Variants in FAM118B observed in about 807,000 individuals in gnomAD.
The protein encoded by FAM118B is protein FAM118B.
A neutral mutation model predicts 38.5 loss-of-function variants in FAM118B; 24 were observed. The ratio of observed to expected loss-of-function variants is 0.62; its 90% CI spans 0.45 to 0.88. The LOEUF is 0.88. FAM118B is among the 40% of genes least tolerant of loss of function. The pLI is 0.00. For missense variants in FAM118B, 334 were observed against 420.0 expected (o/e 0.80, Z 1.79); for synonymous variants, 138 against 156.3 (o/e 0.88, Z 0.87).
rs188863454 is a variant in FAM118B, at chr11:126,233,770, T to A, written c.-7-1225T>A. ...ACCACAAAAAATTAATTCAGAAACT[T>A]AGTGTTTTAATAAAGAAAAAGGCTT... On this transcript the variant is annotated intron_variant, in intron 2 of 8. Transcript: ENST00000533050. 9.3e-3 allele frequency: 4,247 copies of A among 455,414 alleles called. 31 individuals are homozygous for A. The highest frequency in any genetic ancestry group is 0.015 in the Non-Finnish European group (3,441 of 226,646). The allele number at this position is 455,414 out of a possible 1,614,324, so 28.2% of individuals were successfully genotyped here.
intron 4 of FAM118B, among the ~76,000 whole-genome samples, chr11:126,241,979 C>T (rs1404845793): frequency 1.4e-5 from 2 of 143,928 alleles, no homozygotes; most frequent in Admixed American, 7.1e-5. Flanking sequence ...GAGTTGCGGT[C>T]GCGCCACTGC....
At chr11:126,217,265 T>C (rs1364386121) in intron 1 of FAM118B, among the ~76,000 whole-genome samples, 1 of 152,232 alleles carries the variant, frequency 6.6e-6, no homozygotes, top group Non-Finnish European at 1.5e-5. Flanking sequence ...TGTTATTCTT[T>C]CTTGGTTTTC....
intron 1 of FAM118B, among the ~76,000 whole-genome samples, chr11:126,222,022 TAAGAG>T (rs1246464486): frequency 6.6e-6 from 1 of 152,144 alleles, no homozygotes; most frequent in East Asian, 1.9e-4. Flanking sequence ...GTAGACTTGT[TAAGAG>T]TGTGGCCCAC....
At chr11:126,229,796 T>A (rs985359979) in intron 2 of FAM118B, among the ~76,000 whole-genome samples, 7 of 152,188 alleles carry the variant, frequency 4.6e-5, no homozygotes, top group Non-Finnish European at 1.0e-4. Context: ...GGGCTTAAGT[T>A]AAAGGGCATT....
intron 1 of FAM118B, among the ~76,000 whole-genome samples, chr11:126,222,069 TTG>T (rs1165018475): frequency 6.6e-6 from 1 of 152,178 alleles, no homozygotes; most frequent in Non-Finnish European, 1.5e-5. Flanking sequence ...TGGTATTGTT[TTG>T]TGTCTTAACA....
intron 1 of FAM118B, among the ~76,000 whole-genome samples, chr11:126,226,088 C>G (rs1360887764): frequency 1.3e-5 from 2 of 151,730 alleles, no homozygotes; most frequent in African/African-American, 4.8e-5. Flanking sequence ...GTTCCTATCA[C>G]TGTGAGTTAG....
At position 126,253,437 on chromosome 11, in the gene FAM118B, A is replaced by C. The variant is rs1176791924; in HGVS notation, c.568-868A>C. On this transcript the variant is annotated intron_variant, in intron 5 of 8. Coordinates refer to ENST00000533050, the MANE Select transcript of FAM118B (RefSeq NM_024556.4). The surrounding 1 kb of genome is among the most constrained non-coding windows in gnomAD (Gnocchi z 5.1). The stretch of plus-strand genomic sequence containing the variant: ...AATGGAGCCATGGAATCAGGTGGCT[A>C]TTGCATTCGCTGTTGTCTAAATGAT... 1.3e-5 allele frequency among the ~76,000 whole-genome samples: 2 copies of C among 152,130 alleles called. No individual in the cohort carries two copies. Among genetic ancestry groups the C allele is most frequent in the Non-Finnish European group, 2.9e-5 (2 of 68,030 alleles).
chr11:126,251,055 G>T (rs1477810974), intron 5 of FAM118B, among the ~76,000 whole-genome samples: 4 of 152,104 alleles, frequency 2.6e-5, no homozygotes, highest in Non-Finnish European at 4.4e-5. Context: ...TGATAATGCT[G>T]GTTCTATTTT....
intron 3 of FAM118B, among the ~76,000 whole-genome samples, chr11:126,239,756 A>C (rs1053668061): frequency 3.3e-5 from 5 of 152,136 alleles, no homozygotes; most frequent in African/African-American, 1.2e-4. Context: ...TCAAGTAATC[A>C]GCCCACCTTG....
In FAM118B at chr11:126,261,498, T is replaced by C; in HGVS notation, c.1042+14T>C. 6.2e-7 allele frequency: 1 copy of C among 1,602,720 alleles called. No individual in the cohort carries two copies. The highest frequency in any genetic ancestry group is 8.5e-7 in the Non-Finnish European group (1 of 1,169,678). On this transcript the variant is annotated intron_variant, in intron 8 of 8. Coordinates refer to ENST00000533050, the MANE Select transcript of FAM118B (RefSeq NM_024556.4). ...GTGAAATAAGAGGTATACTGTTTCC[T>C]ATTCTACTATTTATCACTCTGTAGC...
chr11:126,235,966 C>T (rs1950269449), intron 3 of FAM118B, among the ~76,000 whole-genome samples: 1 of 149,706 alleles, frequency 6.7e-6, no homozygotes, highest in South Asian at 2.1e-4. Flanking sequence ...TGTTTGTTTG[C>T]TTTCAATGTA....
Position 126,256,499 on chromosome 11 carries a change from C to CT in FAM118B, c.697-68_697-67insT. On this transcript the variant is annotated intron_variant, in intron 6 of 8. Coordinates refer to ENST00000533050, the MANE Select transcript of FAM118B (RefSeq NM_024556.4). The surrounding 1 kb of genome is among the most constrained non-coding windows in gnomAD (Gnocchi z 6.6). ...TCACAGTCTGCTCAACGTAGCATGA[C>CT]CTTCTTGTTTCAGACTTGCCTTGAG... is the stretch of plus-strand genomic sequence containing the variant. 1 of 1,480,912 alleles carries CT rather than the reference C, an allele frequency of 6.8e-7. No homozygotes were observed. Among genetic ancestry groups the CT allele is most frequent in the Non-Finnish European group, 9.3e-7 (1 of 1,079,946 alleles). 91.7% of individuals were successfully genotyped at this position (1,480,912 alleles called of 1,614,324 possible). A position where few individuals can be genotyped will look rare whatever the true frequency, so the allele number is the denominator to read the frequency against.
chr11:126,260,136 G>A (rs1160491888), intron 7 of FAM118B, among the ~76,000 whole-genome samples: 2 of 150,430 alleles, frequency 1.3e-5, no homozygotes, highest in Admixed American at 1.3e-4. Context: ...GGGCTCAGGC[G>A]ATCCTCCCAC....
chr11:126,213,729 G>A (rs996039532), intron 1 of FAM118B, among the ~76,000 whole-genome samples: 11 of 152,202 alleles, frequency 7.2e-5, no homozygotes, highest in Admixed American at 3.9e-4. Context: ...TTCTTGCAGA[G>A]TTGGCCTTCT....
At chr11:126,236,392 A>G (rs971658822) in intron 3 of FAM118B, among the ~76,000 whole-genome samples, 1 of 152,246 alleles carries the variant, frequency 6.6e-6, no homozygotes, top group African/African-American at 2.4e-5. Context: ...ACATCTAAGT[A>G]TTCCTGCCAA....
rs1591535431 is a variant in FAM118B at position 126,262,909 on chromosome 11, A to G, written c.*776A>G. 6.5e-6 allele frequency: 1 copy of G among 152,676 alleles called. No homozygotes were observed. Among genetic ancestry groups the G allele is most frequent in the African/African-American group, 2.4e-5 (1 of 41,472 alleles). The allele number at this position is 152,676 out of a possible 1,614,324, so 9.5% of individuals were successfully genotyped here. Reference sequence around the variant, plus strand: ...GTGGAATTTTAGTTTTGAATCCTGTATAAAAGAACTCCAAGACCTAAAAGG... The same window carrying G: ...GTGGAATTTTAGTTTTGAATCCTGTGTAAAAGAACTCCAAGACCTAAAAGG... On this transcript the variant is annotated 3_prime_UTR_variant, in exon 9 of 9. Transcript: ENST00000533050.
rs1277101779 is a variant in FAM118B, at chr11:126,261,465, A to G, written c.1023A>G (p.Ala341=). ...AAGGTCAGCTAAATGGCTCATCTGC[A>G]GCACACAGTGAAATAAGAGGTATAC... ...VREGQLNGSS[A]AHSEIRGCST Residue 341 remains alanine (A), a synonymous_variant, in exon 8 of 9, where the codon GCA becomes GCG. Transcript: ENST00000533050. 1 of 1,613,780 alleles carries G rather than the reference A, an allele frequency of 6.2e-7. No individual in the cohort carries two copies. Among genetic ancestry groups the G allele is most frequent in the East Asian group, 2.2e-5 (1 of 44,886 alleles).
In FAM118B at chr11:126,253,379, G is replaced by C. The variant is rs1032353602; in HGVS notation, c.568-926G>C. Among the ~76,000 whole-genome samples, 4 of 152,120 alleles carry C rather than the reference G, an allele frequency of 2.6e-5. No homozygotes were observed. The highest frequency in any genetic ancestry group is 7.2e-5 in the African/African-American group (3 of 41,420). On this transcript the variant is annotated intron_variant, in intron 5 of 8. Coordinates refer to ENST00000533050, the MANE Select transcript of FAM118B (RefSeq NM_024556.4). The surrounding 1 kb of genome is among the most constrained non-coding windows in gnomAD (Gnocchi z 5.1). Reference sequence around the variant, plus strand: ...AGCCTATTTCTCCAAAATGTGATAAGAATAAATGTATGCTGTCTCCAGTCC... The same window carrying C: ...AGCCTATTTCTCCAAAATGTGATAACAATAAATGTATGCTGTCTCCAGTCC...
chr11:126,262,238 A>C lies in FAM118B; in HGVS notation c.*105A>C. 7.8e-7 allele frequency: 1 copy of C among 1,289,230 alleles called. No individual in the cohort carries two copies. Among genetic ancestry groups the C allele is most frequent in the Non-Finnish European group, 1.1e-6 (1 of 890,970 alleles). 79.9% of individuals were successfully genotyped at this position (1,289,230 alleles called of 1,614,324 possible). A position where few individuals can be genotyped will look rare whatever the true frequency, so the allele number is the denominator to read the frequency against. On this transcript the variant is annotated 3_prime_UTR_variant, in exon 9 of 9. Transcript: ENST00000533050. ...GAACCCAACACAATTCCCAGAAAGT[A>C]ACAATAGCCAGAGGTTGAAGGGCGG...
Sources: gnomAD v4.1 joint callset for allele counts (sites outside exome capture counted in the v4.1 genomes callset) on GRCh38, gnomAD v4.1.1 for gene constraint, Gnocchi (gnomAD v3.1) non-coding constraint, MANE v1.5 for transcripts, NCBI Gene and HGNC (gene_info 2026-07-23, HGNC 2026-07-21) for gene names.